The following TPM1 variants were observed in gnomAD, a reference collection of about 807,000 sequenced individuals.
TPM1 encodes the protein tropomyosin alpha-1 chain.
A neutral mutation model predicts 42.9 loss-of-function variants in TPM1; 24 were observed. The observed-to-expected ratio is 0.56, with a 90% CI of 0.41 to 0.79. TPM1 has a LOEUF of 0.79. Ranked by LOEUF, TPM1 falls within the 30% of genes least tolerant of loss-of-function variation. TPM1 has a pLI of 0.00. For synonymous variants in TPM1, 136 were observed against 130.1 expected, an observed-to-expected ratio of 1.05 and a Z score of -0.31; for missense variants, 158 against 351.8, an observed-to-expected ratio of 0.45 and a Z score of 4.41.
downstream of TPM1, among the ~76,000 whole-genome samples, chr15:63,068,867 G>A (rs2036432921): frequency 6.6e-6 from 1 of 152,190 alleles, no homozygotes; most frequent in South Asian, 2.1e-4. Flanking sequence ...AAGCAGATAG[G>A]GCTGGGCGCG....
At chr15:63,056,875 C>A in intron 2 of TPM1, 110 bp from the exon 3 acceptor site, 1 of 1,485,636 alleles carries the variant, frequency 6.7e-7, no homozygotes, top group Non-Finnish European at 9.4e-7. Flanking sequence ...AGGTAGCTCA[C>A]CACAAGACAG....
At chr15:63,043,712 G>T in intron 1 of TPM1, 1 of 1,546,974 alleles carries the variant, frequency 6.5e-7, no homozygotes. Flanking sequence ...CCAGCTCGAG[G>T]AGGACATCGC....
intron 7 of TPM1, 110 bp downstream of exon 7, chr15:63,062,387 T>C: frequency 4.5e-6 from 6 of 1,340,382 alleles, no homozygotes; most frequent in Non-Finnish European, 6.4e-6. Context: ...GTCAGGAATA[T>C]TCAAAGGTCG....
At chr15:63,052,928 G>A (rs553017843) in intron 2 of TPM1, among the ~76,000 whole-genome samples, 1 of 152,276 alleles carries the variant, frequency 6.6e-6, no homozygotes, top group Non-Finnish European at 1.5e-5. Flanking sequence ...ATTCTAACGA[G>A]CCAAACAAAA....
intron 8 of TPM1, chr15:63,062,921 G>A: frequency 6.9e-7 from 1 of 1,454,744 alleles, no homozygotes. Flanking sequence ...TTTTCACTGT[G>A]AGTGAGGTGC....
intron 2 of TPM1, among the ~76,000 whole-genome samples, chr15:63,050,308 G>A (rs936376916): frequency 2.6e-5 from 4 of 152,192 alleles, no homozygotes; most frequent in African/African-American, 9.7e-5. Flanking sequence ...GTTGGGGCGG[G>A]GGGCTTGAAT....
chr15:63,061,620 C>G lies in TPM1; in HGVS notation c.564-93C>G, dbSNP rs1348523713. 1.2e-5 allele frequency: 15 copies of G among 1,212,244 alleles called. No homozygotes were observed. The East Asian group carries it at 3.3e-4, about 26-fold the overall frequency. The allele number at this position is 1,212,244 out of a possible 1,614,324, so 75.1% of individuals were successfully genotyped here. On this transcript the variant is annotated intron_variant, in intron 5 of 9. Coordinates refer to ENST00000403994, the MANE Select transcript of TPM1 (RefSeq NM_001018005.2). ...TTAAGGCAGCCCTTCGTCTCTAGGA[C>G]TCAGTTTTCATTTTTTCCCATCCCT...
chr15:63,060,706 TCCTAATAGAGAG>T (rs1404244245), intron 4 of TPM1, among the ~76,000 whole-genome samples, 151 bp from the exon 5 acceptor site: 3 of 152,170 alleles, frequency 2.0e-5, no homozygotes, highest in African/African-American at 7.2e-5. Flanking sequence ...CTGCTGGCAC[TCCTAATAGAGAG>T]TTGCTTCTCT....
chr15:63,048,464 T>C, intron 2 of TPM1: 2 of 1,383,658 alleles, frequency 1.4e-6, no homozygotes, highest in Non-Finnish European at 1.9e-6. Flanking sequence ...CAGAGAGGCC[T>C]GGGCGGGGCG....
At position 63,044,145 on chromosome 15, in the gene TPM1, C is replaced by CGTG; in HGVS notation, c.233_234insGTG (p.Ala78_Thr79insCys). The CGTG allele has an allele frequency of 2.5e-6, 4 of 1,614,212 alleles. No individual in the cohort carries two copies. The highest frequency in any genetic ancestry group is 3.4e-6 in the Non-Finnish European group (4 of 1,180,036). ...AAGCTGGAGCTGGCAGAGAAAAAGG[C>CGTG]CACCGATGTAAGTGCACGCTCACAC... On this transcript the variant is annotated inframe_insertion, in exon 2 of 10. Transcript: ENST00000403994.
intron 9 of TPM1, 73 bp from the exon 10 acceptor site, chr15:63,065,823 G>T: frequency 6.6e-7 from 1 of 1,514,430 alleles, no homozygotes; most frequent in Non-Finnish European, 9.0e-7. Flanking sequence ...CTATTGGTTT[G>T]GTTTCCTTTC....
downstream of TPM1, among the ~76,000 whole-genome samples, chr15:63,068,218 G>A (rs1243184365): frequency 2.0e-5 from 3 of 152,178 alleles, no homozygotes; most frequent in Admixed American, 1.3e-4. Context: ...GAGATGGGCT[G>A]GAAAGGCTCT....
intron 2 of TPM1, 145 bp downstream of exon 2, chr15:63,044,297 T>C: frequency 8.5e-7 from 1 of 1,172,060 alleles, no homozygotes; most frequent in Non-Finnish European, 1.2e-6. Context: ...GAGCATTGGA[T>C]GCCGCCTCTG....
At chr15:63,043,346 A>G in intron 1 of TPM1, 1 of 555,262 alleles carries the variant, frequency 1.8e-6, no homozygotes, top group South Asian at 1.5e-5. Context: ...GGAGAAAGGA[A>G]CCTTAAACTT....
intron 5 of TPM1, 71 bp from the exon 6 acceptor site, chr15:63,061,642 C>A: frequency 7.0e-7 from 1 of 1,422,180 alleles, no homozygotes; most frequent in Non-Finnish European, 9.9e-7. Flanking sequence ...TTTTTCCCAT[C>A]CCTCTCCTTT....
At chr15:63,069,836 T>C (rs2036505701), downstream of TPM1, 2 of 1,613,786 alleles carry the variant, frequency 1.2e-6, no homozygotes, top group South Asian at 1.1e-5. Flanking sequence ...TCCTTCTGCC[T>C]CTTTTCTGCT....
intron 6 of TPM1, 138 bp downstream of exon 6, chr15:63,061,926 T>A: frequency 2.5e-6 from 2 of 786,266 alleles, no homozygotes; most frequent in Non-Finnish European, 4.2e-6. Context: ...AGTTACTAGA[T>A]AACAAATTCT....
At position 63,056,895 on chromosome 15, in the gene TPM1, C is replaced by G. The variant is rs1427176175; in HGVS notation, c.241-90C>G. 4.4e-6 allele frequency: 7 copies of G among 1,574,118 alleles called. No individual in the cohort carries two copies. The East Asian group carries it at 1.6e-4, about 35-fold the overall frequency. On this transcript the variant is annotated intron_variant, in intron 2 of 9. Coordinates refer to ENST00000403994, the MANE Select transcript of TPM1 (RefSeq NM_001018005.2). The stretch of plus-strand genomic sequence containing the variant: ...GCTCACCACAAGACAGTCTTCCTAT[C>G]TGAAATCAGCATTGCAGTCCCAGCC...
chr15:63,042,955 C>T lies in TPM1; in HGVS notation c.114+12C>T, dbSNP rs760174041. On this transcript the variant is annotated intron_variant, in intron 1 of 9. Transcript: ENST00000403994. ...ACAGGAGCAAGCAGGTCTGCGCCTC[C>T]CCGGCCCTGCGCCCGCGCCCAGAGC... is the stretch of plus-strand genomic sequence containing the variant. 3.2e-6 allele frequency: 5 copies of T among 1,581,010 alleles called. No homozygotes were observed. The highest frequency in any genetic ancestry group is 1.3e-5 in the African/African-American group (1 of 74,396).
Sources: allele counts gnomAD v4.1 joint callset (sites outside exome capture counted in the v4.1 genomes callset), GRCh38; gene constraint gnomAD v4.1.1; transcripts MANE v1.5; gene names NCBI Gene and HGNC (gene_info 2026-07-23, HGNC 2026-07-21).